The following NAV3 variants were observed in gnomAD, a reference collection of about 807,000 sequenced individuals.
NAV3 encodes the protein pore membrane and/or filament interacting like protein 1.
Under a neutral mutation model 244.7 loss-of-function variants are expected in NAV3, and 87 were observed. That is an observed-to-expected ratio of 0.36 (90% CI 0.30 to 0.42). The LOEUF is 0.42. Ranked by LOEUF, NAV3 falls within the 20% of genes least tolerant of loss-of-function variation. NAV3 has a pLI of 1.00. For missense variants in NAV3, 2,663 were observed against 2,893.3 expected (o/e 0.92, Z 1.83); for synonymous variants, 1,126 against 1,042.2 (o/e 1.08, Z -1.55).
At chr12:77,885,968 AT>A (rs1297955379) in intron 1 of NAV3, among the ~76,000 whole-genome samples, 1 of 152,090 alleles carries the variant, frequency 6.6e-6, no homozygotes, top group Non-Finnish European at 1.5e-5. Flanking sequence ...TAATTTATCT[AT>A]TTATTTAAGC....
intron 6 of NAV3, among the ~76,000 whole-genome samples, chr12:77,996,060 G>T (rs969102472): frequency 6.6e-6 from 1 of 152,078 alleles, no homozygotes; most frequent in South Asian, 2.1e-4. Context: ...TTCTTCTAAG[G>T]ACTGAAGATC....
chr12:77,932,464 G>C (rs139519506), intron 1 of NAV3, among the ~76,000 whole-genome samples: 2 of 152,178 alleles, frequency 1.3e-5, no homozygotes, highest in East Asian at 3.9e-4. Context: ...TGCTACATGT[G>C]TATCATTCTT....
chr12:77,899,809 A>G (rs964047908), intron 1 of NAV3, among the ~76,000 whole-genome samples: 18 of 152,232 alleles, frequency 1.2e-4, no homozygotes, highest in Non-Finnish European at 2.6e-4. Flanking sequence ...TGAGAAACCC[A>G]TCATTTAACC....
chr12:78,060,412 T>C (rs930904838), intron 12 of NAV3, among the ~76,000 whole-genome samples: 7 of 152,068 alleles, frequency 4.6e-5, no homozygotes, highest in African/African-American at 1.4e-4. Flanking sequence ...GCTCCCACCC[T>C]GTCTGTATCC....
At chr12:77,962,299 A>G (rs1316139581) in intron 3 of NAV3, among the ~76,000 whole-genome samples, 1 of 152,034 alleles carries the variant, frequency 6.6e-6, no homozygotes, top group Non-Finnish European at 1.5e-5. Context: ...TCTCCACCCC[A>G]ACCTCTCAAT....
chr12:77,859,335 G>T (rs1226804681), intron 1 of NAV3, among the ~76,000 whole-genome samples: 1 of 152,028 alleles, frequency 6.6e-6, no homozygotes, highest in East Asian at 1.9e-4. Flanking sequence ...TACTGTAAAC[G>T]TGTTTCAGAA....
chr12:78,080,571 T>TATG (rs1272352171), intron 12 of NAV3, among the ~76,000 whole-genome samples: 12 of 152,202 alleles, frequency 7.9e-5, no homozygotes, highest in Non-Finnish European at 1.5e-4. Flanking sequence ...CAGTATTGAT[T>TATG]ATGACTTTTA....
At chr12:77,689,152 A>T (rs1048487566) in intron 2 of NAV3, among the ~76,000 whole-genome samples, 2 of 151,960 alleles carry the variant, frequency 1.3e-5, no homozygotes, top group Non-Finnish European at 2.9e-5. Flanking sequence ...AAGCATTAAC[A>T]AGTCTAAAAA....
At chr12:78,139,497 ATGT>A (rs1432074299) in intron 19 of NAV3, among the ~76,000 whole-genome samples, 1 of 152,176 alleles carries the variant, frequency 6.6e-6, no homozygotes, top group Non-Finnish European at 1.5e-5. Context: ...TACTCAACTA[ATGT>A]TTGTTTAATG....
At chr12:77,592,652 A>G (rs1245501787) in intron 2 of NAV3, among the ~76,000 whole-genome samples, 1 of 152,146 alleles carries the variant, frequency 6.6e-6, no homozygotes, top group East Asian at 1.9e-4. Flanking sequence ...ATTTGGTGTG[A>G]TATCTTGGTC....
At chr12:77,592,447 G>A (rs1869949117) in intron 2 of NAV3, among the ~76,000 whole-genome samples, 1 of 152,126 alleles carries the variant, frequency 6.6e-6, no homozygotes. Context: ...TGGCTCAAGC[G>A]AGGGGCTCTT....
intron 8 of NAV3, among the ~76,000 whole-genome samples, chr12:78,011,432 C>T (rs1875254997): frequency 1.3e-5 from 2 of 151,908 alleles, no homozygotes; most frequent in Admixed American, 6.6e-5. Flanking sequence ...GTGTATGCAA[C>T]ATACACAATT....
chr12:77,976,331 G>A (rs1868368231), intron 5 of NAV3, among the ~76,000 whole-genome samples: 1 of 152,092 alleles, frequency 6.6e-6, no homozygotes, highest in South Asian at 2.1e-4. Flanking sequence ...AAGCTATAAG[G>A]CTAGACATGA....
At chr12:77,587,518 A>C (rs2136701881) in intron 2 of NAV3, among the ~76,000 whole-genome samples, 1 of 152,308 alleles carries the variant, frequency 6.6e-6, no homozygotes, top group Non-Finnish European at 1.5e-5. Context: ...ATTTTGCTAA[A>C]GCTAGAACAA....
At chr12:77,685,506 C>CACACACACACACACACAT (rs34407806) in intron 2 of NAV3, among the ~76,000 whole-genome samples, 40 of 150,716 alleles carry the variant, frequency 2.7e-4, no homozygotes, top group African/African-American at 9.0e-4. Flanking sequence ...CACACACACA[C>CACACACACACACACACAT]ATACCCACAC....
intron 9 of NAV3, among the ~76,000 whole-genome samples, chr12:78,024,271 T>C (rs1220862479): frequency 6.6e-6 from 1 of 152,210 alleles, no homozygotes; most frequent in Non-Finnish European, 1.5e-5. Flanking sequence ...CTGGTTACAT[T>C]TAAATCTCCA....
intron 5 of NAV3, among the ~76,000 whole-genome samples, chr12:77,991,959 A>C (rs149179297): frequency 6.6e-6 from 1 of 151,860 alleles, no homozygotes; most frequent in Non-Finnish European, 1.5e-5. Context: ...TGAACCCAGG[A>C]GGTGGAGGTT....
At chr12:78,115,355 AC>A (rs1222696866) in intron 12 of NAV3, among the ~76,000 whole-genome samples, 1 of 152,156 alleles carries the variant, frequency 6.6e-6, no homozygotes, top group Non-Finnish European at 1.5e-5. Flanking sequence ...TTCTCATGCT[AC>A]TAATAAAGAC....
chr12:77,699,930 G>C (rs777392563), intron 2 of NAV3, among the ~76,000 whole-genome samples: 27 of 152,040 alleles, frequency 1.8e-4, no homozygotes, highest in Non-Finnish European at 3.7e-4. Context: ...AGAAATTGCA[G>C]CTATGTTTTA....
Sources: gnomAD v4.1 joint callset for allele counts (sites outside exome capture counted in the v4.1 genomes callset) on GRCh38, gnomAD v4.1.1 for gene constraint, MANE v1.5 for transcripts, NCBI Gene and HGNC (gene_info 2026-07-23, HGNC 2026-07-21) for gene names.